Variants in NREP observed in about 807,000 individuals in gnomAD.
The protein encoded by NREP is neuronal regeneration-related protein.
NREP carries 5 observed loss-of-function variants against 8.6 expected under a neutral mutation model. The ratio of observed to expected loss-of-function variants is 0.58; its 90% CI spans 0.30 to 1.22. NREP has a LOEUF of 1.22. Ranked by LOEUF, NREP falls within the 50% of genes most tolerant of loss-of-function variation. The pLI, the probability that NREP is intolerant of heterozygous loss-of-function variation, is 0.07. For missense variants in NREP, 86 were observed against 82.5 expected (o/e 1.04, Z -0.17); for synonymous variants, 27 against 28.0 (o/e 0.96, Z 0.11).
chr5:111,931,486 C>A (rs1755535615), intron 2 of NREP, among the ~76,000 whole-genome samples: 1 of 152,104 alleles, frequency 6.6e-6, no homozygotes, highest in African/African-American at 2.4e-5. Flanking sequence ...GGAAGCCGAC[C>A]TTCCAGCCTA....
intron 2 of NREP, among the ~76,000 whole-genome samples, chr5:111,830,422 C>A (rs1278493129): frequency 6.6e-6 from 1 of 152,136 alleles, no homozygotes; most frequent in Non-Finnish European, 1.5e-5. Flanking sequence ...ACCTCAGAGC[C>A]CCAGAGGAAA....
chr5:111,866,484 AAGTC>A (rs1317898642), intron 2 of NREP, among the ~76,000 whole-genome samples: 1 of 152,222 alleles, frequency 6.6e-6, no homozygotes, highest in African/African-American at 2.4e-5. Flanking sequence ...GATCATTAAA[AAGTC>A]AGGAAACAAC....
chr5:111,828,033 A>ATT (rs776838938), intron 2 of NREP, among the ~76,000 whole-genome samples: 2 of 146,634 alleles, frequency 1.4e-5, no homozygotes, highest in Admixed American at 6.8e-5. Flanking sequence ...TTCCTTTAGA[A>ATT]TTTTTTTTTT....
chr5:111,861,554 A>G (rs777381989), intron 2 of NREP, among the ~76,000 whole-genome samples: 1 of 152,158 alleles, frequency 6.6e-6, no homozygotes, highest in Non-Finnish European at 1.5e-5. Flanking sequence ...ATCATATTTG[A>G]TAGCAGAAGG....
chr5:111,905,288 T>C (rs1754754656), intron 2 of NREP, among the ~76,000 whole-genome samples: 1 of 152,136 alleles, frequency 6.6e-6, no homozygotes, highest in African/African-American at 2.4e-5. Flanking sequence ...TGTAAGAAAC[T>C]ACCAAACTCT....
chr5:111,912,963 A>G (rs1754953703), intron 2 of NREP, among the ~76,000 whole-genome samples: 1 of 152,116 alleles, frequency 6.6e-6, no homozygotes, highest in Non-Finnish European at 1.5e-5. Context: ...CATTAAGATT[A>G]TTAGCATTGA....
intron 2 of NREP, among the ~76,000 whole-genome samples, chr5:111,874,319 A>G (rs1010520401): frequency 3.9e-5 from 6 of 152,216 alleles, no homozygotes; most frequent in African/African-American, 1.4e-4. Context: ...GAAAAAACTA[A>G]AAACAATTAT....
chr5:111,876,574 CT>C (rs1753915034), intron 2 of NREP, among the ~76,000 whole-genome samples: 1 of 152,182 alleles, frequency 6.6e-6, no homozygotes, highest in Non-Finnish European at 1.5e-5. Context: ...GTACTGCACT[CT>C]TCAACTTCAC....
chr5:111,759,886 C>T (rs567546342), upstream of NREP, among the ~76,000 whole-genome samples: 1 of 152,140 alleles, frequency 6.6e-6, no homozygotes, highest in East Asian at 1.9e-4. Context: ...CATGGTATCC[C>T]CTGCTCCATT....
chr5:111,803,868 G>T (rs927698026), intron 2 of NREP, among the ~76,000 whole-genome samples: 1 of 152,162 alleles, frequency 6.6e-6, no homozygotes, highest in Non-Finnish European at 1.5e-5. Flanking sequence ...CCTCCTCAGT[G>T]ACACAAAAGT....
chr5:111,928,408 G>A (rs539640059), intron 2 of NREP, among the ~76,000 whole-genome samples: 1 of 151,986 alleles, frequency 6.6e-6, no homozygotes. Context: ...TCAAATTGAG[G>A]AAAGCAGACT....
At chr5:111,912,918 T>C (rs1232382950) in intron 2 of NREP, among the ~76,000 whole-genome samples, 1 of 152,160 alleles carries the variant, frequency 6.6e-6, no homozygotes, top group African/African-American at 2.4e-5. Context: ...TTGTATTTTT[T>C]TCTTCCTACA....
rs375709762 is a variant in NREP at position 111,735,563 on chromosome 5, C to G, written c.4-56G>C. ...ATTAAAAACAGGATCCACTCTGAAA[C>G]TACACGGGATAACCTTAATGAGCTC... On this transcript the variant is annotated intron_variant, in intron 2 of 3. Transcript: ENST00000257435. 2.8e-4 allele frequency: 362 copies of G among 1,279,486 alleles called. No homozygotes were observed. The African/African-American group carries it at 4.7e-3, about 16-fold the overall frequency. The allele number at this position is 1,279,486 out of a possible 1,614,324, so 79.3% of individuals were successfully genotyped here.
chr5:111,958,407 A>C (rs1756388239), intron 2 of NREP, among the ~76,000 whole-genome samples: 1 of 151,972 alleles, frequency 6.6e-6, no homozygotes, highest in Non-Finnish European at 1.5e-5. Context: ...CATAGTTGAT[A>C]AAATTTACCA....
chr5:111,841,918 C>T (rs955246600), intron 2 of NREP, among the ~76,000 whole-genome samples: 1 of 152,142 alleles, frequency 6.6e-6, no homozygotes, highest in Non-Finnish European at 1.5e-5. Context: ...CATTTGGTGA[C>T]AAGCCTCTCT....
At chr5:111,905,998 C>T (rs1754770309) in intron 2 of NREP, among the ~76,000 whole-genome samples, 1 of 151,908 alleles carries the variant, frequency 6.6e-6, no homozygotes, top group Admixed American at 6.6e-5. Context: ...TTAGTAATAA[C>T]AGTAAAGAAT....
chr5:111,911,180 G>T (rs1460359583), intron 2 of NREP, among the ~76,000 whole-genome samples: 1 of 151,884 alleles, frequency 6.6e-6, no homozygotes, highest in East Asian at 1.9e-4. Flanking sequence ...TATCACCCCG[G>T]CACCCAGCAA....
chr5:111,917,118 A>C lies in NREP; in HGVS notation c.135+58156T>G, dbSNP rs1398120389. 3.3e-5 allele frequency among the ~76,000 whole-genome samples: 5 copies of C among 152,062 alleles called. No homozygotes were observed. The East Asian group carries it at 9.7e-4, about 29-fold the overall frequency. On this transcript the variant is annotated intron_variant, in intron 2 of 3. Transcript: ENST00000395634. ...TCTTTCCTTAGGGTGGGCTTCCCGC[A>C]TGCATGGTGTCCTTGCACTTTGGAG...
chr5:111,804,186 G>A (rs1384020159), intron 2 of NREP, among the ~76,000 whole-genome samples: 2 of 152,116 alleles, frequency 1.3e-5, no homozygotes, highest in African/African-American at 4.8e-5. Context: ...GCACATGAAC[G>A]TTAGAACCAT....
Sources: gnomAD v4.1 joint callset for allele counts (sites outside exome capture counted in the v4.1 genomes callset) on GRCh38, gnomAD v4.1.1 for gene constraint, MANE v1.5 for transcripts, NCBI Gene and HGNC (gene_info 2026-07-23, HGNC 2026-07-21) for gene names.